Variants in CHSY3 observed in about 807,000 individuals in gnomAD.
CHSY3 encodes N-acetylgalactosaminyl-proteoglycan 3-beta-glucuronosyltransferase 3.
A neutral mutation model predicts 67.2 loss-of-function variants in CHSY3; 35 were observed. The ratio of observed to expected loss-of-function variants is 0.52; its 90% CI spans 0.40 to 0.69. CHSY3 has a LOEUF of 0.69. Ranked by LOEUF, CHSY3 falls within the 30% of genes least tolerant of loss-of-function variation. CHSY3 has a pLI of 0.00. For missense variants in CHSY3, 1,069 were observed against 1,138.5 expected (o/e 0.94, Z 0.88); for synonymous variants, 474 against 434.7 (o/e 1.09, Z -1.12).
intron 2 of CHSY3, among the ~76,000 whole-genome samples, chr5:130,017,830 T>A (rs1387417707): frequency 2.6e-5 from 4 of 152,066 alleles, no homozygotes; most frequent in Admixed American, 2.6e-4. Context: ...GGATTTAACA[T>A]AACTCCAGAA....
chr5:130,176,398 TTGG>T (rs1444097169), intron 2 of CHSY3, among the ~76,000 whole-genome samples: 3 of 152,290 alleles, frequency 2.0e-5, no homozygotes, highest in South Asian at 2.1e-4. Context: ...TTTTACACTA[TTGG>T]TGGGAGTGTA....
At chr5:130,141,176 GA>G in intron 2 of CHSY3, 1 of 437,984 alleles carries the variant, frequency 2.3e-6, no homozygotes, top group South Asian at 1.9e-5. Context: ...AAGCAAATCT[GA>G]AAATGTTCAA....
At position 129,959,136 on chromosome 5, in the gene CHSY3, C is replaced by T. The variant is rs893358619; in HGVS notation, c.1086+50776C>T. ...CCTTCTCATGATAATTAACGTATTT[C>T]GCATTTACTAGTTACTGCTAGACAT... On this transcript the variant is annotated intron_variant, in intron 2 of 2. Transcript: ENST00000305031. Among the ~76,000 whole-genome samples the T allele has an allele frequency of 3.9e-5, 6 of 152,130 alleles. No homozygotes were observed. In the East Asian group the frequency reaches 5.8e-4, roughly 15 times the overall value.
At chr5:130,120,697 T>G (rs983151520) in intron 2 of CHSY3, among the ~76,000 whole-genome samples, 1 of 152,014 alleles carries the variant, frequency 6.6e-6, no homozygotes, top group Non-Finnish European at 1.5e-5. Context: ...AATGCCTACC[T>G]CATAGATTTG....
chr5:130,000,713 C>A (rs941817567), intron 2 of CHSY3, among the ~76,000 whole-genome samples: 52 of 131,498 alleles, frequency 4.0e-4, no homozygotes, highest in African/African-American at 1.2e-3. Context: ...GCTGGGACTA[C>A]AAATGTGTAA....
At chr5:130,157,665 C>G (rs1769411691) in intron 2 of CHSY3, among the ~76,000 whole-genome samples, 1 of 152,194 alleles carries the variant, frequency 6.6e-6, no homozygotes, top group Non-Finnish European at 1.5e-5. Flanking sequence ...ATCCAGACCC[C>G]AAAAGAGGGT....
intron 2 of CHSY3, among the ~76,000 whole-genome samples, chr5:130,000,779 C>T (rs1196371849): frequency 2.6e-5 from 3 of 113,938 alleles, no homozygotes; most frequent in African/African-American, 1.0e-4. Context: ...AATCTTGCTA[C>T]GTTACCCAGG....
intron 2 of CHSY3, among the ~76,000 whole-genome samples, chr5:129,951,928 G>C (rs1762034755): frequency 6.6e-6 from 1 of 152,114 alleles, no homozygotes; most frequent in Non-Finnish European, 1.5e-5. Context: ...CATTTATTGA[G>C]CATCTGCTAA....
intron 2 of CHSY3, among the ~76,000 whole-genome samples, chr5:129,925,423 T>C: frequency 6.6e-6 from 1 of 152,214 alleles, no homozygotes; most frequent in East Asian, 1.9e-4. Flanking sequence ...TAACTTCATG[T>C]TCTTTTTAAA....
At chr5:130,178,249 A>ATTTTTTTTTTTTTT (rs1253548592) in intron 2 of CHSY3, among the ~76,000 whole-genome samples, 6 of 68,476 alleles carry the variant, frequency 8.8e-5, no homozygotes, top group Non-Finnish European at 1.2e-4. Context: ...ATATATATAT[A>ATTTTTTTTTTTTTT]TATATTTTTT....
chr5:130,120,073 C>T (rs948992944), intron 2 of CHSY3, among the ~76,000 whole-genome samples: 12 of 152,196 alleles, frequency 7.9e-5, no homozygotes, highest in African/African-American at 2.9e-4. Flanking sequence ...AACTATCAAA[C>T]CCATCCATAT....
intron 2 of CHSY3, among the ~76,000 whole-genome samples, chr5:129,915,103 A>C (rs1581361242): frequency 6.6e-6 from 1 of 152,164 alleles, no homozygotes; most frequent in East Asian, 1.9e-4. Flanking sequence ...TTACAGAGAA[A>C]TATATTCTAC....
At chr5:129,966,291 T>C (rs1193127296) in intron 2 of CHSY3, among the ~76,000 whole-genome samples, 3 of 151,816 alleles carry the variant, frequency 2.0e-5, no homozygotes, top group Non-Finnish European at 2.9e-5. Flanking sequence ...CAGTAAGTGA[T>C]TGGCAAGTGA....
rs1006335890 is a variant in CHSY3 at position 130,002,075 on chromosome 5, T to C, written c.1086+93715T>C. On this transcript the variant is annotated intron_variant, in intron 2 of 2. Transcript: ENST00000305031. ...TTTAGCAGTAGAAGATGAAATTCTG[T>C]TGCCTATAAACAAAGGTGGTGCTTG... 4 of 938,120 alleles carry C rather than the reference T, an allele frequency of 4.3e-6. No individual in the cohort carries two copies. In the African/African-American group the frequency reaches 7.2e-5, roughly 17 times the overall value. The allele number at this position is 938,120 out of a possible 1,614,324, so 58.1% of individuals were successfully genotyped here. A position where few individuals can be genotyped will look rare whatever the true frequency, so the allele number is the denominator to read the frequency against.
chr5:130,097,660 G>A (rs756395724), intron 2 of CHSY3, among the ~76,000 whole-genome samples: 1 of 152,166 alleles, frequency 6.6e-6, no homozygotes, highest in South Asian at 2.1e-4. Flanking sequence ...CTGTTTTTAA[G>A]TAAATGTTTT....
intron 2 of CHSY3, among the ~76,000 whole-genome samples, chr5:130,083,237 A>G (rs1266418573): frequency 6.6e-6 from 1 of 151,886 alleles, no homozygotes; most frequent in Non-Finnish European, 1.5e-5. Flanking sequence ...TTTATTTTAC[A>G]TTTGGGGTTT....
At position 129,934,596 on chromosome 5, in the gene CHSY3, T is replaced by A. The variant is rs190380284; in HGVS notation, c.1086+26236T>A. ...GGTTCTGGAGGAGTAAGTCTGGATT[T>A]GAAAAGGTTAGGAGGAAGCTTTTGT... On this transcript the variant is annotated intron_variant, in intron 2 of 2. Coordinates refer to ENST00000305031, the MANE Select transcript of CHSY3 (RefSeq NM_175856.5). Among the ~76,000 whole-genome samples the A allele has an allele frequency of 5.9e-5, 9 of 152,256 alleles. No homozygotes were observed. The East Asian group carries it at 1.7e-3, about 29-fold the overall frequency.
intron 2 of CHSY3, among the ~76,000 whole-genome samples, chr5:130,133,495 G>A (rs1006527990): frequency 6.6e-5 from 10 of 152,038 alleles, no homozygotes; most frequent in African/African-American, 2.4e-4. Flanking sequence ...GGTAAGGCCT[G>A]GCGTGGTGGC....
At chr5:130,157,504 T>C (rs1386281669) in intron 2 of CHSY3, among the ~76,000 whole-genome samples, 1 of 152,194 alleles carries the variant, frequency 6.6e-6, no homozygotes, top group Non-Finnish European at 1.5e-5. Context: ...ATGTTAGATG[T>C]TAGAATTAAT....
Sources: allele counts gnomAD v4.1 joint callset (sites outside exome capture counted in the v4.1 genomes callset), GRCh38; gene constraint gnomAD v4.1.1; transcripts MANE v1.5; gene names NCBI Gene and HGNC (gene_info 2026-07-23, HGNC 2026-07-21).